The following KCTD16 variants were observed in gnomAD, a reference collection of about 807,000 sequenced individuals.
KCTD16 encodes the protein potassium channel tetramerization domain containing 16.
Under a neutral mutation model 33.2 loss-of-function variants are expected in KCTD16, and 13 were observed. The ratio of observed to expected loss-of-function variants is 0.39; its 90% confidence interval spans 0.25 to 0.62. The LOEUF (loss-of-function observed/expected upper bound fraction) is 0.62, where lower values mean the gene tolerates loss of function less well. Among genes scored for constraint, KCTD16 ranks in the 20% least tolerant of loss-of-function variants. The pLI is 0.50. For synonymous variants in KCTD16, 197 were observed against 195.3 expected (o/e 1.01, Z -0.07); for missense variants, 441 against 525.1 (o/e 0.84, Z 1.57).
In KCTD16 at chr5:144,477,066, C is replaced by G. The variant is rs1054221479; in HGVS notation, c.*2952C>G. On this transcript the variant is annotated 3_prime_UTR_variant, in exon 4 of 4. Coordinates refer to ENST00000512467, the MANE Select transcript of KCTD16 (RefSeq NM_020768.4). ...TAAAATCCAGTGAGCTTTGGGAGAT[C>G]ATTCCCTAAAGGTATGTGGGTTGTC... 2 of 152,066 alleles carry G rather than the reference C, an allele frequency of 1.3e-5. No individual in the cohort carries two copies. The highest frequency in any genetic ancestry group is 2.9e-5 in the Non-Finnish European group (2 of 68,006). 9.4% of individuals were successfully genotyped at this position (152,066 alleles called of 1,614,324 possible).
chr5:144,277,412 CTTAG>C (rs751113163), intron 3 of KCTD16, among the ~76,000 whole-genome samples: 4 of 152,106 alleles, frequency 2.6e-5, no homozygotes, highest in Non-Finnish European at 4.4e-5. Context: ...GCACACTAAG[CTTAG>C]TTAGAGAAAA....
intron 3 of KCTD16, among the ~76,000 whole-genome samples, chr5:144,453,719 A>G (rs1430938563): frequency 2.0e-5 from 3 of 152,218 alleles, no homozygotes; most frequent in Non-Finnish European, 4.4e-5. Flanking sequence ...TCATCATGGT[A>G]GAATTCTTGA....
intron 3 of KCTD16, among the ~76,000 whole-genome samples, chr5:144,317,836 C>A (rs1751963358): frequency 6.6e-6 from 1 of 152,180 alleles, no homozygotes; most frequent in Admixed American, 6.5e-5. Context: ...GTATGCATCA[C>A]CTGGATTTGC....
At chr5:144,388,073 T>TTTTTTTTTTG (rs1561589203) in intron 3 of KCTD16, among the ~76,000 whole-genome samples, 4 of 97,924 alleles carry the variant, frequency 4.1e-5, no homozygotes, top group Non-Finnish European at 2.2e-5. Flanking sequence ...AAGTTTTTTT[T>TTTTTTTTTTG]TTTTTTTTTT....
chr5:144,334,225 G>A (rs1210349244), intron 3 of KCTD16, among the ~76,000 whole-genome samples: 1 of 152,096 alleles, frequency 6.6e-6, no homozygotes, highest in Non-Finnish European at 1.5e-5. Context: ...AATCACTTTG[G>A]AGCTTCCTCT....
Position 144,476,740 on chromosome 5 carries a change from C to T in KCTD16, c.*2626C>T, listed in dbSNP as rs1754603478. On this transcript the variant is annotated 3_prime_UTR_variant, in exon 4 of 4. Transcript: ENST00000512467. Reference sequence around the variant, plus strand: ...TTTGAGTGGAGTTATCAAGTGAGGTCCAGGTAGCCTGCAACACTGGAAATG... The same window carrying T: ...TTTGAGTGGAGTTATCAAGTGAGGTTCAGGTAGCCTGCAACACTGGAAATG... 6.6e-6 allele frequency: 1 copy of T among 152,064 alleles called. No homozygotes were observed. The highest frequency in any genetic ancestry group is 2.1e-4 in the South Asian group (1 of 4,822). The allele number at this position is 152,064 out of a possible 1,614,324, so 9.4% of individuals were successfully genotyped here. A position where few individuals can be genotyped will look rare whatever the true frequency, so the allele number is the denominator to read the frequency against.
chr5:144,241,367 G>A (rs1186885385), intron 3 of KCTD16, among the ~76,000 whole-genome samples: 1 of 152,106 alleles, frequency 6.6e-6, no homozygotes, highest in Non-Finnish European at 1.5e-5. Context: ...CATCATGTTT[G>A]GGAATAATAA....
intron 3 of KCTD16, among the ~76,000 whole-genome samples, chr5:144,402,759 A>G (rs1329898013): frequency 6.6e-6 from 1 of 152,218 alleles, no homozygotes; most frequent in Non-Finnish European, 1.5e-5. Flanking sequence ...GTTCACAAAT[A>G]TCAATGGAAA....
intron 3 of KCTD16, among the ~76,000 whole-genome samples, chr5:144,377,210 G>A (rs750653355): frequency 1.4e-4 from 22 of 152,070 alleles, no homozygotes; most frequent in Non-Finnish European, 8.8e-5. Context: ...ACTTTCTCTT[G>A]GGGTTCCTTG....
At chr5:144,235,620 G>A (rs539549223) in intron 3 of KCTD16, among the ~76,000 whole-genome samples, 2 of 152,152 alleles carry the variant, frequency 1.3e-5, no homozygotes, top group African/African-American at 4.8e-5. Flanking sequence ...AAAGTTCCTG[G>A]CTCATAGTAA....
intron 3 of KCTD16, among the ~76,000 whole-genome samples, chr5:144,332,358 G>A (rs1161676607): frequency 1.3e-5 from 2 of 152,112 alleles, no homozygotes; most frequent in Non-Finnish European, 2.9e-5. Flanking sequence ...TACATTGGAA[G>A]GGAACAGGGC....
chr5:144,412,439 C>A (rs1279287536), intron 3 of KCTD16, among the ~76,000 whole-genome samples: 1 of 152,118 alleles, frequency 6.6e-6, no homozygotes, highest in Non-Finnish European at 1.5e-5. Flanking sequence ...GCAAATATCA[C>A]ATGTTCTCAC....
intron 3 of KCTD16, among the ~76,000 whole-genome samples, chr5:144,431,964 C>A (rs1753473621): frequency 6.6e-6 from 1 of 151,988 alleles, no homozygotes; most frequent in Non-Finnish European, 1.5e-5. Context: ...GACATTTTTT[C>A]AATATGTAAA....
chr5:144,238,138 G>A (rs1475166463), intron 3 of KCTD16, among the ~76,000 whole-genome samples: 1 of 152,182 alleles, frequency 6.6e-6, no homozygotes. Flanking sequence ...GGTGGGGCTT[G>A]TGCAGCCAGA....
chr5:144,395,856 C>G (rs1752556716), intron 3 of KCTD16, among the ~76,000 whole-genome samples: 1 of 152,184 alleles, frequency 6.6e-6, no homozygotes, highest in Non-Finnish European at 1.5e-5. Flanking sequence ...GTCTGTCAGC[C>G]TCTACATCAG....
chr5:144,317,808 C>T (rs769990433), intron 3 of KCTD16, among the ~76,000 whole-genome samples: 2 of 152,130 alleles, frequency 1.3e-5, no homozygotes, highest in South Asian at 2.1e-4. Context: ...CTGACATGTA[C>T]GTTGTATTTC....
chr5:144,356,137 G>C (rs1423249132), intron 3 of KCTD16, among the ~76,000 whole-genome samples: 1 of 152,140 alleles, frequency 6.6e-6, no homozygotes, highest in Non-Finnish European at 1.5e-5. Flanking sequence ...CACATAACAT[G>C]GTTAGAAGCT....
intron 3 of KCTD16, among the ~76,000 whole-genome samples, chr5:144,236,781 G>A (rs1754266371): frequency 6.6e-6 from 1 of 152,094 alleles, no homozygotes; most frequent in South Asian, 2.1e-4. Flanking sequence ...CTGAGAGAAA[G>A]GAGATTTTTC....
intron 3 of KCTD16, among the ~76,000 whole-genome samples, chr5:144,224,237 G>A (rs1204779422): frequency 2.0e-5 from 3 of 151,856 alleles, no homozygotes; most frequent in Non-Finnish European, 4.4e-5. Context: ...AAAAACAATT[G>A]GAGTTATTTC....
Sources: gnomAD v4.1 joint callset for allele counts (sites outside exome capture counted in the v4.1 genomes callset) on GRCh38, gnomAD v4.1.1 for gene constraint, MANE v1.5 for transcripts, NCBI Gene and HGNC (gene_info 2026-07-23, HGNC 2026-07-21) for gene names.